The following KYNU variants were observed in gnomAD, a reference collection of about 807,000 sequenced individuals.
KYNU encodes the protein kynureninase.
In KYNU, 54 loss-of-function variants were observed where a neutral mutation model predicts 59.2. That is an observed-to-expected ratio of 0.91 (90% CI 0.73 to 1.14). The LOEUF (loss-of-function observed/expected upper bound fraction) is 1.14, where lower values mean the gene tolerates loss of function less well. Ranked by LOEUF, KYNU falls within the 50% of genes most tolerant of loss-of-function variation. The pLI is 0.00. For missense variants in KYNU, 567 were observed against 554.4 expected, an observed-to-expected ratio of 1.02 and a Z score of -0.23; for synonymous variants, 177 against 192.0, an observed-to-expected ratio of 0.92 and a Z score of 0.65.
chr2:142,967,960 T>A (rs1163890955), intron 8 of KYNU, among the ~76,000 whole-genome samples: 1 of 152,148 alleles, frequency 6.6e-6, no homozygotes, highest in Non-Finnish European at 1.5e-5. Flanking sequence ...ATGTATGAAA[T>A]TTTTATCCAT....
chr2:143,002,480 T>A (rs1437272689), intron 10 of KYNU, among the ~76,000 whole-genome samples: 8 of 152,208 alleles, frequency 5.3e-5, no homozygotes, highest in African/African-American at 1.9e-4. Context: ...TGTGATACTG[T>A]TTGAACGCTA....
At chr2:142,939,046 CT>C (rs1683489417) in intron 4 of KYNU, among the ~76,000 whole-genome samples, 1 of 151,956 alleles carries the variant, frequency 6.6e-6, no homozygotes, top group South Asian at 2.1e-4. Context: ...GTAGTTTGAG[CT>C]ACTTTTTAGG....
At chr2:142,943,990 C>G (rs1683692159) in intron 4 of KYNU, among the ~76,000 whole-genome samples, 1 of 152,158 alleles carries the variant, frequency 6.6e-6, no homozygotes, top group Non-Finnish European at 1.5e-5. Flanking sequence ...GCCTTGTCAT[C>G]CCCACTTTGC....
chr2:142,963,809 A>G (rs1268057655), intron 8 of KYNU, among the ~76,000 whole-genome samples: 1 of 152,178 alleles, frequency 6.6e-6, no homozygotes, highest in African/African-American at 2.4e-5. Context: ...AGGTATACAC[A>G]GGTTGAATAT....
chr2:143,043,779 AT>A lies in KYNU; in HGVS notation c.*1610del, dbSNP rs1354468051. On this transcript the variant is annotated 3_prime_UTR_variant, in exon 14 of 14. Transcript: ENST00000264170. Reference sequence around the variant, plus strand: ...TATATTTATATTTATATATTTATATATTTATATTTTAATATATTTATATAAA... The same window carrying A: ...TATATTTATATTTATATATTTATATATTATATTTTAATATATTTATATAAA... 1 of 138,948 alleles carries A rather than the reference AT, an allele frequency of 7.2e-6. No homozygotes were observed. The highest frequency in any genetic ancestry group is 2.6e-5 in the African/African-American group (1 of 38,468). The allele number at this position is 138,948 out of a possible 1,614,324, so 8.6% of individuals were successfully genotyped here.
chr2:143,017,222 G>T (rs1686276715), intron 10 of KYNU, among the ~76,000 whole-genome samples: 1 of 152,038 alleles, frequency 6.6e-6, no homozygotes. Context: ...AAGTGCGTGT[G>T]TCTTTTTGGT....
At chr2:142,957,504 A>G (rs1684206676) in intron 6 of KYNU, 137 bp from the exon 7 acceptor site, 1 of 640,244 alleles carries the variant, frequency 1.6e-6, no homozygotes, top group African/African-American at 1.8e-5. Context: ...TCTGTTGTGT[A>G]TTTTGTTTAG....
At chr2:143,029,543 G>A (rs1209029005) in intron 10 of KYNU, 84 bp from the exon 11 acceptor site, 8 of 821,900 alleles carry the variant, frequency 9.7e-6, no homozygotes, top group Non-Finnish European at 1.5e-5. Flanking sequence ...CTGAGATCAC[G>A]CCACTGCACT....
chr2:142,997,616 A>T (rs746395115), intron 10 of KYNU, among the ~76,000 whole-genome samples: 32 of 152,200 alleles, frequency 2.1e-4, no homozygotes, highest in Non-Finnish European at 4.3e-4. Flanking sequence ...AATTAAAGAA[A>T]CTTATGACAG....
At chr2:143,028,332 C>G (rs1686638587) in intron 10 of KYNU, among the ~76,000 whole-genome samples, 2 of 145,786 alleles carry the variant, frequency 1.4e-5, no homozygotes, top group Admixed American at 1.4e-4. Flanking sequence ...TGCAACCTCC[C>G]CCTCTGGGTT....
intron 4 of KYNU, among the ~76,000 whole-genome samples, chr2:142,953,505 A>G (rs1684063996): frequency 6.6e-6 from 1 of 152,232 alleles, no homozygotes; most frequent in Non-Finnish European, 1.5e-5. Flanking sequence ...TTTTTAAACC[A>G]TATTTCAAAG....
intron 4 of KYNU, among the ~76,000 whole-genome samples, chr2:142,949,221 A>G (rs1190860978): frequency 6.6e-6 from 1 of 152,120 alleles, no homozygotes; most frequent in Non-Finnish European, 1.5e-5. Context: ...GGTGTTGAGT[A>G]TCTGTGGCTT....
intron 10 of KYNU, among the ~76,000 whole-genome samples, chr2:142,989,063 A>G (rs1424427208): frequency 6.6e-6 from 1 of 151,936 alleles, no homozygotes; most frequent in African/African-American, 2.4e-5. Context: ...CCAAAAGCCT[A>G]CAATATCACG....
In KYNU at chr2:142,960,779, G is replaced by T. The variant is rs116104452; in HGVS notation, c.729+9G>T. ...AAGCTGGACAAGCGAAGGTATGCACGCCATTTACTTCTTCCCACCTTACTC... is the reference window on the plus strand; with the variant it reads ...AAGCTGGACAAGCGAAGGTATGCACTCCATTTACTTCTTCCCACCTTACTC... On this transcript the variant is annotated intron_variant, in intron 8 of 13. Coordinates refer to ENST00000264170, the MANE Select transcript of KYNU (RefSeq NM_003937.3). 6.2e-6 allele frequency: 10 copies of T among 1,613,126 alleles called. No individual in the cohort carries two copies. The highest frequency in any genetic ancestry group is 1.3e-5 in the African/African-American group (1 of 74,752).
At position 143,051,404 on chromosome 2, in the gene KYNU, C is replaced by G. The variant is rs1687263577; in HGVS notation, c.*9232C>G. ...GAGTGCTCATTTTAATTGAGCTGAT[C>G]ATGTTTCTAGGATTTTTTAGTTAAA... On this transcript the variant is annotated 3_prime_UTR_variant, in exon 14 of 14. Transcript: ENST00000264170. The G allele has an allele frequency of 6.6e-6, 1 of 151,866 alleles. No homozygotes were observed. The allele number at this position is 151,866 out of a possible 1,614,324, so 9.4% of individuals were successfully genotyped here. A position where few individuals can be genotyped will look rare whatever the true frequency, so the allele number is the denominator to read the frequency against.
At chr2:142,922,543 G>A (rs1325114672) in intron 3 of KYNU, among the ~76,000 whole-genome samples, 1 of 152,034 alleles carries the variant, frequency 6.6e-6, no homozygotes, top group South Asian at 2.1e-4. Context: ...ATAAAAATTA[G>A]AGTGCTTCAA....
At chr2:143,003,073 G>A (rs1685756105) in intron 10 of KYNU, among the ~76,000 whole-genome samples, 1 of 152,092 alleles carries the variant, frequency 6.6e-6, no homozygotes, top group African/African-American at 2.4e-5. Context: ...TCAGTACTCA[G>A]CACAGGGCCA....
intron 2 of KYNU, among the ~76,000 whole-genome samples, chr2:142,894,575 C>T (rs1052191628): frequency 2.0e-5 from 3 of 152,126 alleles, no homozygotes; most frequent in Non-Finnish European, 2.9e-5. Flanking sequence ...CTGCCTCGTA[C>T]CCCCTTTCAG....
At chr2:143,030,809 TG>T (rs1686718191) in intron 11 of KYNU, among the ~76,000 whole-genome samples, 5 of 152,154 alleles carry the variant, frequency 3.3e-5, no homozygotes, top group African/African-American at 4.8e-5. Context: ...AAGTAAAAAA[TG>T]CATTTAATAC....
Sources: gnomAD v4.1 joint callset for allele counts (sites outside exome capture counted in the v4.1 genomes callset) on GRCh38, gnomAD v4.1.1 for gene constraint, MANE v1.5 for transcripts, NCBI Gene and HGNC (gene_info 2026-07-23, HGNC 2026-07-21) for gene names.